The following TRIM59 variants were observed in gnomAD, a reference collection of about 807,000 sequenced individuals.
TRIM59 encodes tripartite motif-containing protein 59.
In TRIM59, 14 loss-of-function variants were observed where a neutral mutation model predicts 32.2. That is an observed-to-expected ratio of 0.43 (90% CI 0.29 to 0.68). The LOEUF (loss-of-function observed/expected upper bound fraction) is 0.68, where lower values mean the gene tolerates loss of function less well. TRIM59 is among the 30% of genes least tolerant of loss of function. The pLI, the probability that TRIM59 is intolerant of heterozygous loss-of-function variation, is 0.15. For synonymous variants in TRIM59, 163 were observed against 155.1 expected, an observed-to-expected ratio of 1.05 and a Z score of -0.38; for missense variants, 471 against 463.3, an observed-to-expected ratio of 1.02 and a Z score of -0.15.
Position 160,441,031 on chromosome 3 carries a change from A to C in TRIM59, c.-3-1845T>G, listed in dbSNP as rs558396112. Among the ~76,000 whole-genome samples the C allele has an allele frequency of 3.3e-5, 5 of 152,360 alleles. No homozygotes were observed. The South Asian group carries it at 1.0e-3, about 32-fold the overall frequency. On this transcript the variant is annotated intron_variant, in intron 2 of 2. Coordinates refer to ENST00000309784, the MANE Select transcript of TRIM59 (RefSeq NM_173084.3). ...ACAGCAACTAAAAGTAACTAACTGC[A>C]TTTTTAATAAAATGCAAACTTGGCT...
chr3:160,437,013 AC>A lies in TRIM59; in HGVS notation c.*958del, dbSNP rs1382983518. The A allele has an allele frequency of 6.2e-5, 61 of 984,762 alleles. No individual in the cohort carries two copies. The highest frequency in any genetic ancestry group is 5.2e-4 in the Middle Eastern group (1 of 1,914). 61.0% of individuals were successfully genotyped at this position (984,762 alleles called of 1,614,324 possible). A position where few individuals can be genotyped will look rare whatever the true frequency, so the allele number is the denominator to read the frequency against. Reference sequence around the variant, plus strand: ...ATTTGACTGACGAGCAGAAAAAAAAACAATCTTAAATTTGCACAAACTATAG... The same window carrying A: ...ATTTGACTGACGAGCAGAAAAAAAAAAATCTTAAATTTGCACAAACTATAG... On this transcript the variant is annotated 3_prime_UTR_variant, in exon 3 of 3. Transcript: ENST00000309784.
rs758933583 is a variant in TRIM59 at position 160,438,779 on chromosome 3, T to G, written c.405A>C (p.Gln135His). 1.4e-5 allele frequency: 22 copies of G among 1,613,900 alleles called. No individual in the cohort carries two copies. In the East Asian group the frequency reaches 4.5e-4, roughly 33 times the overall value. The change falls in exon 3 of 3, where the codon CAA becomes CAC. Residue 135 changes from glutamine to histidine, a missense_variant. Transcript: ENST00000309784. Reference sequence around the variant, plus strand: ...TGTCCTTTTCTTTCAAATAGGCACTTTGAAGGTCATCTATAGGATGACCAT... The same window carrying G: ...TGTCCTTTTCTTTCAAATAGGCACTGTGAAGGTCATCTATAGGATGACCAT... ...QHHGHPIDDL[Q>H]SAYLKEKDTP...
At chr3:160,445,350 A>G (rs1295447626) in intron 2 of TRIM59, among the ~76,000 whole-genome samples, 1 of 152,180 alleles carries the variant, frequency 6.6e-6, no homozygotes, top group Non-Finnish European at 1.5e-5. Context: ...TGGGAGGTCC[A>G]GGCTGCAATG....
At chr3:160,448,099 T>C (rs1719626571) in intron 2 of TRIM59, among the ~76,000 whole-genome samples, 1 of 152,180 alleles carries the variant, frequency 6.6e-6, no homozygotes, top group East Asian at 1.9e-4. Flanking sequence ...TTCTTTCATT[T>C]TGATATCAAC....
In TRIM59 at chr3:160,436,896, T is replaced by C. The variant is rs1032496342; in HGVS notation, c.*1076A>G. 1.0e-6 allele frequency: 1 copy of C among 979,722 alleles called. No homozygotes were observed. The allele number at this position is 979,722 out of a possible 1,614,324, so 60.7% of individuals were successfully genotyped here. A position where few individuals can be genotyped will look rare whatever the true frequency, so the allele number is the denominator to read the frequency against. ...GAAAATTTAAATGAGTTAAGATGAA[T>C]AAAGTCCACATGATGCCATCAAAAC... On this transcript the variant is annotated 3_prime_UTR_variant, in exon 3 of 3. Coordinates refer to ENST00000309784, the MANE Select transcript of TRIM59 (RefSeq NM_173084.3).
Position 160,437,492 on chromosome 3 carries a change from C to T in TRIM59, c.*480G>A. ...TATGTTTGATCAAAAGATCTTTAAG[C>T]CATGCCTTATCACTTTAAGACTTTG... is the stretch of plus-strand genomic sequence containing the variant. On this transcript the variant is annotated 3_prime_UTR_variant, in exon 3 of 3. Transcript: ENST00000309784. The T allele has an allele frequency of 1.0e-6, 1 of 985,452 alleles. No homozygotes were observed. The highest frequency in any genetic ancestry group is 1.2e-6 in the Non-Finnish European group (1 of 829,956). 61.0% of individuals were successfully genotyped at this position (985,452 alleles called of 1,614,324 possible).
chr3:160,443,002 C>A (rs1014202722), intron 2 of TRIM59, among the ~76,000 whole-genome samples: 4 of 152,110 alleles, frequency 2.6e-5, no homozygotes, highest in Non-Finnish European at 4.4e-5. Context: ...GCCTATAATC[C>A]CAGCTACGCG....
intron 2 of TRIM59, among the ~76,000 whole-genome samples, chr3:160,443,490 A>G (rs1577016839): frequency 6.6e-6 from 1 of 152,342 alleles, no homozygotes; most frequent in East Asian, 1.9e-4. Context: ...TCAAAAATGA[A>G]CAACCTTCTT....
At position 160,437,869 on chromosome 3, in the gene TRIM59, T is replaced by C. The variant is rs1161904432; in HGVS notation, c.*103A>G. On this transcript the variant is annotated 3_prime_UTR_variant, in exon 3 of 3. Coordinates refer to ENST00000309784, the MANE Select transcript of TRIM59 (RefSeq NM_173084.3). ...AAATATAAACATTTGTTTATATTAGTTGCAGCACTAATAAAGCTTAGTTTG... is the reference window on the plus strand; with the variant it reads ...AAATATAAACATTTGTTTATATTAGCTGCAGCACTAATAAAGCTTAGTTTG... The C allele has an allele frequency of 2.9e-6, 4 of 1,372,036 alleles. No homozygotes were observed. Among genetic ancestry groups the C allele is most frequent in the Non-Finnish European group, 3.8e-6 (4 of 1,061,514 alleles). 85.0% of individuals were successfully genotyped at this position (1,372,036 alleles called of 1,614,324 possible).
Position 160,438,792 on chromosome 3 carries a change from A to C in TRIM59, c.392T>G (p.Ile131Arg). The C allele has an allele frequency of 6.2e-7, 1 of 1,613,292 alleles. No homozygotes were observed. The highest frequency in any genetic ancestry group is 8.5e-7 in the Non-Finnish European group (1 of 1,179,288). Residue 131 changes from isoleucine (I) to arginine (R), a missense_variant, in exon 3 of 3, where the codon ATA becomes AGA. Coordinates refer to ENST00000309784, the MANE Select transcript of TRIM59 (RefSeq NM_173084.3). Reference protein sequence around the residue: ...LTIGQHHGHPIDDLQSAYLKE... With the variant: ...LTIGQHHGHPRDDLQSAYLKE... The stretch of plus-strand genomic sequence containing the variant: ...CAAATAGGCACTTTGAAGGTCATCT[A>C]TAGGATGACCATGATGTTGACCTAT...
chr3:160,435,785 A>C lies in TRIM59; in HGVS notation c.*2187T>G, dbSNP rs1718907436. On this transcript the variant is annotated 3_prime_UTR_variant, in exon 3 of 3. Transcript: ENST00000309784. ...AGATTACAAACCCTTACCAACATTA[A>C]TCTTGGCCTACTTTAAAGTTGAGTG... The C allele has an allele frequency of 2.2e-6, 1 of 454,620 alleles. No homozygotes were observed. The highest frequency in any genetic ancestry group is 4.2e-6 in the Non-Finnish European group (1 of 237,728). 28.2% of individuals were successfully genotyped at this position (454,620 alleles called of 1,614,324 possible). A position where few individuals can be genotyped will look rare whatever the true frequency, so the allele number is the denominator to read the frequency against.
chr3:160,438,550 T>G lies in TRIM59; in HGVS notation c.634A>C (p.Asn212His), dbSNP rs781652228. Residue 212 changes from asparagine (N) to histidine (H), a missense_variant, in exon 3 of 3, where the codon AAT becomes CAT. By Grantham distance (68) the Asn-to-His change is moderately conservative. Transcript: ENST00000309784. ...SFLTALCDVGNLINQEYTPQI... is the reference protein window; with the variant it reads ...SFLTALCDVGHLINQEYTPQI... ...GGAGTATATTCTTGATTAATTAGAT[T>G]GCCAACATCACAGAGAGCCGTTAGG... 1 of 1,611,408 alleles carries G rather than the reference T, an allele frequency of 6.2e-7. No homozygotes were observed. The highest frequency in any genetic ancestry group is 1.1e-5 in the South Asian group (1 of 89,994).
rs1174170781 is a variant in TRIM59, at chr3:160,437,306, AC to A, written c.*665del. The A allele has an allele frequency of 7.6e-6, 7 of 915,436 alleles. No homozygotes were observed. The highest frequency in any genetic ancestry group is 1.3e-6 in the Non-Finnish European group (1 of 766,514). 56.7% of individuals were successfully genotyped at this position (915,436 alleles called of 1,614,324 possible). On this transcript the variant is annotated 3_prime_UTR_variant, in exon 3 of 3. Coordinates refer to ENST00000309784, the MANE Select transcript of TRIM59 (RefSeq NM_173084.3). The stretch of plus-strand genomic sequence containing the variant: ...GTGGTCGAAACTGCAGTGAGTCATG[AC>A]CAGACAACTACACTCCAGCCTGGGC...
Position 160,438,135 on chromosome 3 carries a change from T to A in TRIM59, c.1049A>T (p.Gln350Leu). 1.2e-6 allele frequency: 2 copies of A among 1,612,086 alleles called. No homozygotes were observed. The highest frequency in any genetic ancestry group is 1.7e-6 in the Non-Finnish European group (2 of 1,179,360). Residue 350 changes from glutamine to leucine, a missense_variant, in exon 3 of 3, where the codon CAA becomes CTA. By Grantham distance (113) the Gln-to-Leu change is moderately radical (BLOSUM62 -2). Coordinates refer to ENST00000309784, the MANE Select transcript of TRIM59 (RefSeq NM_173084.3). ...TTCACTTAAAAAGGTTATGATGTGT[T>A]GGTTGAAAAAGAGTATCGACATCAG... Reference protein sequence around the residue: ...VILMSILFFNQHIITFLSEIT... With the variant: ...VILMSILFFNLHIITFLSEIT...
In TRIM59 at chr3:160,436,092, C is replaced by T; in HGVS notation, c.*1880G>A. ...GTGTCTCTCCTTACCTCTACTATGC[C>T]CTTTAAATGTTCTTTGCCCACACAA... is the stretch of plus-strand genomic sequence containing the variant. On this transcript the variant is annotated 3_prime_UTR_variant, in exon 3 of 3. Transcript: ENST00000309784. 3.6e-6 allele frequency: 4 copies of T among 1,101,870 alleles called. No individual in the cohort carries two copies. The South Asian group carries it at 6.5e-5, about 18-fold the overall frequency. 68.3% of individuals were successfully genotyped at this position (1,101,870 alleles called of 1,614,324 possible).
At position 160,438,931 on chromosome 3, in the gene TRIM59, T is replaced by C. The variant is rs762228916; in HGVS notation, c.253A>G (p.Lys85Glu). The C allele has an allele frequency of 6.2e-7, 1 of 1,614,146 alleles. No homozygotes were observed. The highest frequency in any genetic ancestry group is 8.5e-7 in the Non-Finnish European group (1 of 1,179,996). ...VNFALRAIIE[K>E]YQQEDHPDIV... ...TCTGGATGGTCTTCTTGCTGGTACT[T>C]TTCAATAATAGCCCTTAGTGCAAAA... Residue 85 changes from lysine (K) to glutamate (E), a missense_variant, in exon 3 of 3, where the codon AAG (lysine) becomes GAG (glutamate). By Grantham distance (56) the Lys-to-Glu change is moderately conservative. Transcript: ENST00000309784.
chr3:160,436,457 C>G lies in TRIM59; in HGVS notation c.*1515G>C, dbSNP rs1161799437. The G allele has an allele frequency of 1.0e-6, 1 of 985,736 alleles. No individual in the cohort carries two copies. The highest frequency in any genetic ancestry group is 1.7e-5 in the African/African-American group (1 of 57,240). The allele number at this position is 985,736 out of a possible 1,614,324, so 61.1% of individuals were successfully genotyped here. ...TAACTCCAGTCCCTGTTAAAGGGAACTAAAGGGCTTTGATTTAATTGGCCC... is the reference window on the plus strand; with the variant it reads ...TAACTCCAGTCCCTGTTAAAGGGAAGTAAAGGGCTTTGATTTAATTGGCCC... On this transcript the variant is annotated 3_prime_UTR_variant, in exon 3 of 3. Transcript: ENST00000309784.
chr3:160,443,675 G>C (rs1054373471), intron 2 of TRIM59, among the ~76,000 whole-genome samples: 1 of 151,856 alleles, frequency 6.6e-6, no homozygotes, highest in East Asian at 1.9e-4. Context: ...GTCTCGCTCT[G>C]TCGCCCAGGC....
chr3:160,435,938 A>C lies in TRIM59; in HGVS notation c.*2034T>G, dbSNP rs1014212460. 1 of 1,284,276 alleles carries C rather than the reference A, an allele frequency of 7.8e-7. No homozygotes were observed. The allele number at this position is 1,284,276 out of a possible 1,614,324, so 79.6% of individuals were successfully genotyped here. On this transcript the variant is annotated 3_prime_UTR_variant, in exon 3 of 3. Coordinates refer to ENST00000309784, the MANE Select transcript of TRIM59 (RefSeq NM_173084.3). ...ATATTCACATCACAGAAATGAGATT[A>C]AGTAGTTTAACACATAATGGCTAAC...
Sources: gnomAD v4.1 joint callset for allele counts (sites outside exome capture counted in the v4.1 genomes callset) on GRCh38, gnomAD v4.1.1 for gene constraint, MANE v1.5 for transcripts, NCBI Gene and HGNC (gene_info 2026-07-23, HGNC 2026-07-21) for gene names.